NTRK2: variants seen among roughly 807,000 people sequenced by gnomAD.
NTRK2 encodes the protein neurotrophic receptor tyrosine kinase 2, also known as BDNF/NT-3 growth factors receptor.
NTRK2 carries 13 observed loss-of-function variants against 94.5 expected under a neutral mutation model. The ratio of observed to expected loss-of-function variants is 0.14; its 90% CI spans 0.09 to 0.22. The LOEUF (loss-of-function observed/expected upper bound fraction) is 0.22. Among genes scored for constraint, NTRK2 ranks in the 10% least tolerant of loss-of-function variants. The probability of loss-of-function intolerance (pLI) is 1.00; values close to 1 mark genes in which losing one functional copy is unlikely to be tolerated. For missense variants in NTRK2, 639 were observed against 1,071.2 expected, an observed-to-expected ratio of 0.60 and a Z score of 5.63; for synonymous variants, 372 against 407.4, an observed-to-expected ratio of 0.91 and a Z score of 1.05.
chr9:84,910,049 C>T (rs1050855503), intron 14 of NTRK2, among the ~76,000 whole-genome samples: 46 of 151,980 alleles, frequency 3.0e-4, no homozygotes, highest in Admixed American at 6.6e-4. Flanking sequence ...TTTTTTTCTA[C>T]GAAGTTCTGT....
chr9:84,813,014 C>T (rs1355190534), intron 12 of NTRK2: 1 of 1,035,972 alleles, frequency 9.7e-7, no homozygotes, highest in African/African-American at 1.7e-5. Context: ...GTACTCTAGA[C>T]CACCCCTTTT....
rs549446473 is a variant in NTRK2, at chr9:85,024,037, T to C, written c.*2600T>C. On this transcript the variant is annotated 3_prime_UTR_variant, in exon 19 of 19. Coordinates refer to ENST00000277120, the MANE Select transcript of NTRK2 (RefSeq NM_006180.6). ...AAAAAATAAAATAAAATTCCACTTA[T>C]ACCTTCTGACAAGTCCCTAAAGGTC... The C allele has an allele frequency of 4.4e-5, 10 of 228,514 alleles. No individual in the cohort carries two copies. Among genetic ancestry groups the C allele is most frequent in the African/African-American group, 2.2e-4 (10 of 45,232 alleles). The allele number at this position is 228,514 out of a possible 1,614,324, so 14.2% of individuals were successfully genotyped here. A position where few individuals can be genotyped will look rare whatever the true frequency, so the allele number is the denominator to read the frequency against.
At chr9:84,881,236 T>C (rs1431627620) in intron 14 of NTRK2, among the ~76,000 whole-genome samples, 4 of 152,226 alleles carry the variant, frequency 2.6e-5, no homozygotes, top group Non-Finnish European at 5.9e-5. Flanking sequence ...AACAAATCTC[T>C]GACTAATAAG....
chr9:84,826,774 T>C (rs757385590), intron 12 of NTRK2, among the ~76,000 whole-genome samples: 15 of 152,248 alleles, frequency 9.9e-5, no homozygotes, highest in South Asian at 2.1e-4. Flanking sequence ...AATATAGTTA[T>C]TGTCTATAGC....
intron 16 of NTRK2, among the ~76,000 whole-genome samples, chr9:84,951,819 A>G (rs2132932595): frequency 6.6e-6 from 1 of 152,306 alleles, no homozygotes; most frequent in Admixed American, 6.5e-5. Context: ...GGAGCTGGGC[A>G]CTTAGCTGCC....
At chr9:84,934,317 C>T in intron 15 of NTRK2, 25 bp downstream of exon 15, 1 of 1,612,998 alleles carries the variant, frequency 6.2e-7, no homozygotes, top group African/African-American at 1.3e-5. Context: ...CAGAATGTCT[C>T]ATTAACCATG....
In NTRK2 at chr9:84,699,106, G is replaced by A. The variant is rs373324454; in HGVS notation, c.213-3053G>A. 8.9e-4 allele frequency among the ~76,000 whole-genome samples: 134 copies of A among 150,048 alleles called. 1 individual carries two copies. The highest frequency in any genetic ancestry group is 3.1e-3 in the African/African-American group (127 of 40,656). On this transcript the variant is annotated intron_variant, in intron 2 of 18. Transcript: ENST00000277120. ...GGCTGGAGTGCAGTGGTGTGATCTC[G>A]GCTCATGTCAAGCTCCACCTCCCGG...
chr9:84,933,564 T>C (rs1180249738), intron 14 of NTRK2, among the ~76,000 whole-genome samples: 1 of 152,200 alleles, frequency 6.6e-6, no homozygotes, highest in Non-Finnish European at 1.5e-5. Flanking sequence ...AGCTAGTCCT[T>C]AATGCAGACG....
rs1823981318 is a variant in NTRK2, at chr9:84,955,290, G to A, written c.1945G>A (p.Gly649Ser). ...CTCCATGTCCTTCCCCAGGGCACAC[G>A]GCCCTGATGCCGTGCTGATGGCTGA... Reference protein sequence around the residue: ...GDLNKFLRAHGPDAVLMAEGN... With the variant: ...GDLNKFLRAHSPDAVLMAEGN... The change falls in exon 17 of 19, where the codon GGC becomes AGC. Residue 649 changes from glycine to serine, a missense_variant. Physicochemically the swap from Gly to Ser is moderately conservative, Grantham distance 56 (BLOSUM62 0). Coordinates refer to ENST00000277120, the MANE Select transcript of NTRK2 (RefSeq NM_006180.6). The A allele has an allele frequency of 6.2e-7, 1 of 1,600,592 alleles. No homozygotes were observed. Among genetic ancestry groups the A allele is most frequent in the Non-Finnish European group, 8.5e-7 (1 of 1,173,394 alleles).
At chr9:84,939,085 A>AAGAAG (rs1337578176) in intron 15 of NTRK2, among the ~76,000 whole-genome samples, 3 of 151,560 alleles carry the variant, frequency 2.0e-5, no homozygotes, top group Non-Finnish European at 4.4e-5. Context: ...AAGAAAAGAA[A>AAGAAG]AAAAAAGAGT....
At chr9:84,871,994 A>C (rs1413577801) in intron 14 of NTRK2, 3 of 1,532,626 alleles carry the variant, frequency 2.0e-6, no homozygotes, top group Non-Finnish European at 2.6e-6. Flanking sequence ...TTCCAAGACA[A>C]AGCAGTGTGC....
intron 12 of NTRK2, chr9:84,811,144 A>G (rs199810333): frequency 1.9e-5 from 20 of 1,063,516 alleles, no homozygotes; most frequent in Non-Finnish European, 2.0e-5. Context: ...TTAAGGGTAT[A>G]TATACCATCA....
chr9:84,997,280 A>G (rs935762851), intron 17 of NTRK2, among the ~76,000 whole-genome samples: 1 of 152,258 alleles, frequency 6.6e-6, no homozygotes. Flanking sequence ...CTGAGACTGA[A>G]AACCATCTCC....
intron 12 of NTRK2, among the ~76,000 whole-genome samples, chr9:84,834,069 A>G (rs948597325): frequency 1.3e-5 from 2 of 152,184 alleles, no homozygotes; most frequent in African/African-American, 2.4e-5. Context: ...TCACCTGCCT[A>G]AAATTCTAGC....
At chr9:84,743,235 G>C (rs897250953) in intron 10 of NTRK2, among the ~76,000 whole-genome samples, 2 of 152,198 alleles carry the variant, frequency 1.3e-5, no homozygotes, top group Non-Finnish European at 2.9e-5. Flanking sequence ...GAAGTGGAAG[G>C]CTACATTTCA....
chr9:84,843,235 C>T (rs73474457), intron 12 of NTRK2, among the ~76,000 whole-genome samples: 9,687 of 152,164 alleles, frequency 0.064, 1,042 homozygotes, highest in African/African-American at 0.22. Flanking sequence ...CCTGGGTCTA[C>T]AGTAGATGAG....
intron 14 of NTRK2, chr9:84,877,310 T>C (rs540928365): frequency 9.4e-7 from 1 of 1,066,088 alleles, no homozygotes; most frequent in Admixed American, 5.3e-5. Flanking sequence ...TGTCTCAGTA[T>C]GAGGAAGAAC....
At chr9:84,846,113 A>G (rs1468732979) in intron 12 of NTRK2, among the ~76,000 whole-genome samples, 2 of 152,176 alleles carry the variant, frequency 1.3e-5, no homozygotes, top group Non-Finnish European at 2.9e-5. Context: ...GCAAGACTTT[A>G]ATCTGGCTAA....
At chr9:84,897,828 T>G (rs2076804621) in intron 14 of NTRK2, among the ~76,000 whole-genome samples, 1 of 152,178 alleles carries the variant, frequency 6.6e-6, no homozygotes, top group African/African-American at 2.4e-5. Flanking sequence ...CATGGGGTTC[T>G]GAAGAAGATG....
Sources: allele counts gnomAD v4.1 joint callset (sites outside exome capture counted in the v4.1 genomes callset), GRCh38; gene constraint gnomAD v4.1.1; transcripts MANE v1.5; gene names NCBI Gene and HGNC (gene_info 2026-07-23, HGNC 2026-07-21).